TTLL6: variants seen among roughly 807,000 people sequenced by gnomAD.
TTLL6 encodes tubulin tyrosine ligase like 6.
Under a neutral mutation model 96.4 loss-of-function variants are expected in TTLL6, and 75 were observed. The observed-to-expected ratio is 0.78, with a 90% CI of 0.65 to 0.94. The LOEUF (loss-of-function observed/expected upper bound fraction) is 0.94, where lower values mean the gene tolerates loss of function less well. Ranked by LOEUF, TTLL6 falls within the 40% of genes least tolerant of loss-of-function variation. TTLL6 has a pLI of 0.00. For missense variants in TTLL6, 1,030 were observed against 1,093.0 expected (o/e 0.94, Z 0.81); for synonymous variants, 411 against 419.4 (o/e 0.98, Z 0.24).
At chr17:48,771,057 G>A (rs1227059954) in intron 13 of TTLL6, among the ~76,000 whole-genome samples, 1 of 152,200 alleles carries the variant, frequency 6.6e-6, no homozygotes, top group Admixed American at 6.6e-5. Flanking sequence ...CACATGGTGT[G>A]GGCAGCAGAA....
intron 14 of TTLL6, 44 bp downstream of exon 14, chr17:48,769,683 TC>T (rs2038691676): frequency 1.9e-6 from 3 of 1,588,080 alleles, no homozygotes; most frequent in Non-Finnish European, 2.6e-6. Context: ...TCGGTCCCTC[TC>T]CCCTTTAAGC....
At chr17:48,789,113 T>C (rs1381063799) in intron 10 of TTLL6, among the ~76,000 whole-genome samples, 1 of 92,720 alleles carries the variant, frequency 1.1e-5, no homozygotes, top group Admixed American at 9.7e-5. Context: ...TCTTTCTTTA[T>C]AGTAAAAAAA....
intron 15 of TTLL6, among the ~76,000 whole-genome samples, chr17:48,763,503 C>T (rs1381254258): frequency 2.0e-5 from 3 of 152,096 alleles, no homozygotes; most frequent in Non-Finnish European, 2.9e-5. Context: ...TCCTTAAAAT[C>T]CTACAAAATG....
intron 1 of TTLL6, among the ~76,000 whole-genome samples, chr17:48,807,127 G>A (rs954015340): frequency 6.6e-6 from 1 of 150,778 alleles, no homozygotes; most frequent in African/African-American, 2.4e-5. Context: ...CACTCTTGTT[G>A]TCCAGGATGG....
intron 9 of TTLL6, 23 bp downstream of exon 9, chr17:48,791,355 G>T: frequency 6.2e-7 from 1 of 1,604,928 alleles, no homozygotes; most frequent in Non-Finnish European, 8.5e-7. Flanking sequence ...GTTCGTTTTC[G>T]CCCCTCGCCC....
intron 13 of TTLL6, among the ~76,000 whole-genome samples, chr17:48,776,168 T>C (rs1567718038): frequency 6.6e-6 from 1 of 152,112 alleles, no homozygotes; most frequent in Non-Finnish European, 1.5e-5. Context: ...CTAGAATTCA[T>C]AAGAAATTTA....
intron 13 of TTLL6, among the ~76,000 whole-genome samples, chr17:48,778,703 G>A (rs934080800): frequency 8.6e-5 from 13 of 151,896 alleles, no homozygotes; most frequent in Admixed American, 3.3e-4. Context: ...AGGCTGAGGC[G>A]GGCTGATCAT....
Position 48,770,004 on chromosome 17 carries a change from C to A in TTLL6, c.2134G>T (p.Glu712Ter). Residue 712 changes from glutamate (E) to a stop codon, truncating the protein, a stop_gained, in exon 14 of 16, where the codon GAG becomes TAG. Coordinates refer to ENST00000393382, the MANE Select transcript of TTLL6 (RefSeq NM_001130918.3). LOFTEE classifies it high-confidence loss of function. ...CTGTCCGTCTCTGGGCCACTGTACT[C>A]AGAGCTGGCGGTCACAGCCAGGGTT... The part of the protein sequence containing the change: ...PPTLAVTASS[E>*]YSGPETDRVV... 1 of 1,614,128 alleles carries A rather than the reference C, an allele frequency of 6.2e-7. No individual in the cohort carries two copies. The highest frequency in any genetic ancestry group is 8.5e-7 in the Non-Finnish European group (1 of 1,180,024).
In TTLL6 at chr17:48,769,878, C is replaced by T. The variant is rs777345080; in HGVS notation, c.2260G>A (p.Glu754Lys). Residue 754 changes from glutamate (E) to lysine (K), a missense_variant, in exon 14 of 16, where the codon GAG becomes AAG. Glu to Lys is a moderately conservative substitution (Grantham distance 56). Transcript: ENST00000393382. ...FLPTKSKSFW[E>K]SPNTNWTLLK... is the part of the protein sequence containing the mutation. ...AAAGTCCAGTTTGTGTTCGGACTCTCCCAGAAGCTCTTGGATTTTGTGGGC... is the reference window on the plus strand; with the variant it reads ...AAAGTCCAGTTTGTGTTCGGACTCTTCCAGAAGCTCTTGGATTTTGTGGGC... 10 of 1,614,100 alleles carry T rather than the reference C, an allele frequency of 6.2e-6. No individual in the cohort carries two copies. The Admixed American group carries it at 1.7e-4, about 27-fold the overall frequency.
intron 13 of TTLL6, among the ~76,000 whole-genome samples, chr17:48,777,351 T>C (rs998541888): frequency 8.5e-5 from 13 of 152,112 alleles, no homozygotes; most frequent in Non-Finnish European, 1.8e-4. Flanking sequence ...TCCCAGCACT[T>C]TGGGAGGCCG....
At chr17:48,780,737 C>T (rs2038969598) in intron 13 of TTLL6, among the ~76,000 whole-genome samples, 1 of 152,202 alleles carries the variant, frequency 6.6e-6, no homozygotes, top group Admixed American at 6.5e-5. Context: ...GGAATCATAA[C>T]AGTATTTATC....
At position 48,801,532 on chromosome 17, in the gene TTLL6, C is replaced by T. The variant is rs1274159867; in HGVS notation, c.473G>A (p.Ser158Asn). The T allele has an allele frequency of 1.9e-6, 3 of 1,551,914 alleles. No individual in the cohort carries two copies. In the East Asian group the frequency reaches 7.3e-5, roughly 38 times the overall value. ...CATCACTAGCCCAAATACCTGGTAACTTTTCATTTCCATCACCCGCTCCAG... is the reference window on the plus strand; with the variant it reads ...CATCACTAGCCCAAATACCTGGTAATTTTTCATTTCCATCACCCGCTCCAG... Reference protein sequence around the residue: ...VSLERVMEMKSYQKINHFPGM... With the variant: ...VSLERVMEMKNYQKINHFPGM... The change falls in exon 4 of 16, where the codon AGT becomes AAT. Residue 158 changes from serine to asparagine, a missense_variant. Transcript: ENST00000393382.
chr17:48,798,192 C>T (rs1177877757), intron 6 of TTLL6, among the ~76,000 whole-genome samples: 1 of 152,104 alleles, frequency 6.6e-6, no homozygotes, highest in African/African-American at 2.4e-5. Context: ...GAGGCCGAGG[C>T]AGGAGGATCT....
chr17:48,798,713 A>G (rs558144047), intron 6 of TTLL6, among the ~76,000 whole-genome samples: 2 of 152,260 alleles, frequency 1.3e-5, no homozygotes, highest in Admixed American at 1.3e-4. Context: ...CGCTCCAGCC[A>G]GAGTGACAGA....
At chr17:48,773,583 G>A (rs962234712) in intron 13 of TTLL6, among the ~76,000 whole-genome samples, 3 of 152,100 alleles carry the variant, frequency 2.0e-5, no homozygotes, top group African/African-American at 4.8e-5. Flanking sequence ...TTAGCTGGGC[G>A]TGGTGGTGCA....
intron 7 of TTLL6, 87 bp downstream of exon 7, chr17:48,796,974 G>T: frequency 7.1e-7 from 1 of 1,398,880 alleles, no homozygotes; most frequent in Non-Finnish European, 9.5e-7. Flanking sequence ...CACTCACAAT[G>T]TCTTGAGGAT....
At chr17:48,810,775 A>G (rs918152239) in intron 1 of TTLL6, among the ~76,000 whole-genome samples, 1,141 of 93,490 alleles carry the variant, frequency 0.012, 33 homozygotes, top group African/African-American at 0.044. Context: ...CATATATAGT[A>G]TGTGTGTATA....
At chr17:48,809,584 T>G (rs752149127) in intron 1 of TTLL6, among the ~76,000 whole-genome samples, 9 of 152,110 alleles carry the variant, frequency 5.9e-5, no homozygotes, top group African/African-American at 9.7e-5. Context: ...GTAAGCCAGG[T>G]GCAGTGGCTC....
rs398030988 is a variant in TTLL6 at position 48,814,318 on chromosome 17, C to CAAA, written c.103+2649_103+2651dup. 9.7e-3 allele frequency among the ~76,000 whole-genome samples: 509 copies of CAAA among 52,392 alleles called. 21 individuals are homozygous for CAAA. Among genetic ancestry groups the CAAA allele is most frequent in the Middle Eastern group, 0.029 (2 of 68 alleles). 34.4% of individuals were successfully genotyped at this position (52,392 alleles called of 152,430 possible). On this transcript the variant is annotated intron_variant, in intron 1 of 15. Transcript: ENST00000393382. ...TGGGTGACAGAGGGAGACAGTGTCTCAAAAAAAAAAAAAAAAAAAAAAAGA... is the reference window on the plus strand; with the variant it reads ...TGGGTGACAGAGGGAGACAGTGTCTCAAAAAAAAAAAAAAAAAAAAAAAAAAGA...
Sources: allele counts gnomAD v4.1 joint callset (sites outside exome capture counted in the v4.1 genomes callset), GRCh38; gene constraint gnomAD v4.1.1; transcripts MANE v1.5; gene names NCBI Gene and HGNC (gene_info 2026-07-23, HGNC 2026-07-21).